CNTN3: variants seen among roughly 807,000 people sequenced by gnomAD.
The protein encoded by CNTN3 is contactin 3.
Under a neutral mutation model 119.1 loss-of-function variants are expected in CNTN3, and 60 were observed. The ratio of observed to expected loss-of-function variants is 0.50; its 90% CI spans 0.41 to 0.62. The LOEUF is 0.62. Among genes scored for constraint, CNTN3 ranks in the 20% least tolerant of loss-of-function variants. CNTN3 has a pLI of 0.00. For synonymous variants in CNTN3, 450 were observed against 438.7 expected, an observed-to-expected ratio of 1.03 and a Z score of -0.32; for missense variants, 1,101 against 1,242.4, an observed-to-expected ratio of 0.89 and a Z score of 1.71.
chr3:74,335,390 T>C (rs1703366687), intron 12 of CNTN3, among the ~76,000 whole-genome samples: 1 of 152,112 alleles, frequency 6.6e-6, no homozygotes, highest in Non-Finnish European at 1.5e-5. Flanking sequence ...AGGGGTACTA[T>C]GTTAAAATGC....
intron 1 of CNTN3, among the ~76,000 whole-genome samples, chr3:74,532,699 G>A (rs561377265): frequency 3.3e-5 from 5 of 151,962 alleles, no homozygotes; most frequent in Admixed American, 6.6e-5. Context: ...CACACTGCTC[G>A]GAATGGAATG....
intron 5 of CNTN3, among the ~76,000 whole-genome samples, chr3:74,410,926 A>C (rs1701427708): frequency 6.6e-6 from 1 of 152,146 alleles, no homozygotes; most frequent in South Asian, 2.1e-4. Flanking sequence ...TGACCCACTA[A>C]CGTATCAATA....
intron 13 of CNTN3, among the ~76,000 whole-genome samples, chr3:74,314,888 T>C (rs1387055830): frequency 6.6e-6 from 1 of 152,182 alleles, no homozygotes; most frequent in African/African-American, 2.4e-5. Context: ...ACAGCCATAG[T>C]AAAATGAGGC....
At chr3:74,392,344 T>C (rs1231427705) in intron 5 of CNTN3, among the ~76,000 whole-genome samples, 2 of 152,168 alleles carry the variant, frequency 1.3e-5, no homozygotes, top group Non-Finnish European at 2.9e-5. Context: ...TTTCTTTCTT[T>C]CTTTTTGCCA....
chr3:74,602,412 A>G (rs1704926477), intron 1 of CNTN3, among the ~76,000 whole-genome samples: 1 of 151,776 alleles, frequency 6.6e-6, no homozygotes, highest in Non-Finnish European at 1.5e-5. Context: ...GACTATTGAA[A>G]TTTGGGGAGG....
At chr3:74,455,027 T>C (rs4061034) in intron 4 of CNTN3, among the ~76,000 whole-genome samples, 2 of 151,808 alleles carry the variant, frequency 1.3e-5, no homozygotes, top group Non-Finnish European at 2.9e-5. Context: ...CGTGTTCTCT[T>C]TATTTCCTGA....
chr3:74,309,607 G>A (rs1702637940), intron 13 of CNTN3, among the ~76,000 whole-genome samples: 1 of 152,096 alleles, frequency 6.6e-6, no homozygotes, highest in African/African-American at 2.4e-5. Context: ...AAATTAAAAT[G>A]GACTAGAAAG....
intron 4 of CNTN3, among the ~76,000 whole-genome samples, chr3:74,465,257 C>T (rs1376603561): frequency 6.6e-6 from 1 of 152,052 alleles, no homozygotes; most frequent in Non-Finnish European, 1.5e-5. Context: ...TCCGGGGATA[C>T]AAAGAATACC....
chr3:74,321,134 G>A (rs1012624293), intron 13 of CNTN3, among the ~76,000 whole-genome samples: 1 of 152,088 alleles, frequency 6.6e-6, no homozygotes, highest in African/African-American at 2.4e-5. Flanking sequence ...GAATACAAGA[G>A]GGAGGAGGAC....
chr3:74,513,713 C>T (rs767233894), intron 2 of CNTN3, among the ~76,000 whole-genome samples: 2 of 151,852 alleles, frequency 1.3e-5, no homozygotes, highest in Non-Finnish European at 2.9e-5. Flanking sequence ...AGCTGAGGCC[C>T]AGGTCAGCCT....
At chr3:74,301,276 G>T in intron 16 of CNTN3, 122 bp downstream of exon 16, 2 of 1,010,208 alleles carry the variant, frequency 2.0e-6, no homozygotes, top group Non-Finnish European at 2.9e-6. Context: ...CATTAGAAAG[G>T]TTAGATAACT....
At chr3:74,593,178 A>T (rs1704734003) in intron 1 of CNTN3, among the ~76,000 whole-genome samples, 1 of 151,986 alleles carries the variant, frequency 6.6e-6, no homozygotes, top group Admixed American at 6.6e-5. Context: ...ACAAGAGTCT[A>T]TAGTGCATTG....
chr3:74,299,928 C>A lies in CNTN3; in HGVS notation c.2106G>T (p.Val702=). 1 of 1,603,636 alleles carries A rather than the reference C, an allele frequency of 6.2e-7. No individual in the cohort carries two copies. The highest frequency in any genetic ancestry group is 1.3e-5 in the African/African-American group (1 of 74,848). ...KVRTEEAVPE[V]PPSEVNGGGG... Reference sequence around the variant, plus strand: ...CTCCTCCATTGACTTCAGAAGGAGGCACTTCTGGAACTATACAGGTCAGAG... The same window carrying A: ...CTCCTCCATTGACTTCAGAAGGAGGAACTTCTGGAACTATACAGGTCAGAG... The change falls in exon 17 of 23, where the codon GTG becomes GTT. Residue 702 remains valine (V), a synonymous_variant. Coordinates refer to ENST00000263665, the MANE Select transcript of CNTN3 (RefSeq NM_020872.3).
rs771999401 is a variant in CNTN3 at position 74,524,442 on chromosome 3, G to A, written c.-80-3250C>T. Among the ~76,000 whole-genome samples the A allele has an allele frequency of 4.6e-4, 70 of 151,808 alleles. 1 individual carries two copies. The highest frequency in any genetic ancestry group is 2.8e-4 in the Non-Finnish European group (19 of 67,870). The stretch of plus-strand genomic sequence containing the variant: ...ATGAAAGGTACAGTAGAGGGTAGAC[G>A]TTTCTATGAAAGCCTAAATGAGAAC... On this transcript the variant is annotated intron_variant, in intron 1 of 22. Transcript: ENST00000263665.
rs183643867 is a variant in CNTN3 at position 74,315,579 on chromosome 3, C to T, written c.1669-12772G>A. On this transcript the variant is annotated intron_variant, in intron 13 of 22. Transcript: ENST00000263665. ...TAAAAATGTAAATGTATAAAAAATTCGTACAATGTCTCCTCTCAGACCGTA... is the reference window on the plus strand; with the variant it reads ...TAAAAATGTAAATGTATAAAAAATTTGTACAATGTCTCCTCTCAGACCGTA... 4.9e-4 allele frequency among the ~76,000 whole-genome samples: 75 copies of T among 152,106 alleles called. 3 individuals carry two copies. The South Asian group carries it at 0.012, about 25-fold the overall frequency.
At chr3:74,508,606 A>G (rs1280161926) in intron 2 of CNTN3, among the ~76,000 whole-genome samples, 1 of 152,150 alleles carries the variant, frequency 6.6e-6, no homozygotes, top group Non-Finnish European at 1.5e-5. Flanking sequence ...TGATAAAAAG[A>G]TTTCTTCAAA....
At chr3:74,546,621 G>T (rs1703919051) in intron 1 of CNTN3, among the ~76,000 whole-genome samples, 1 of 152,132 alleles carries the variant, frequency 6.6e-6, no homozygotes. Context: ...TCAGCCTGTG[G>T]ACTCTTGGAC....
At chr3:74,483,688 A>G (rs1194595692) in intron 4 of CNTN3, among the ~76,000 whole-genome samples, 4 of 152,056 alleles carry the variant, frequency 2.6e-5, no homozygotes, top group Non-Finnish European at 5.9e-5. Flanking sequence ...GGGGAACTCA[A>G]TCAAACATGC....
rs147115306 is a variant in CNTN3 at position 74,423,183 on chromosome 3, G to A, written c.454+1662C>T. Reference sequence around the variant, plus strand: ...CCAACGGATTGAGTTTTCAGGGAGCGGACCCCTAAATAGAGTTTGGAATAA... The same window carrying A: ...CCAACGGATTGAGTTTTCAGGGAGCAGACCCCTAAATAGAGTTTGGAATAA... On this transcript the variant is annotated intron_variant, in intron 5 of 22. Transcript: ENST00000263665. 2.9e-3 allele frequency among the ~76,000 whole-genome samples: 447 copies of A among 152,136 alleles called. 3 individuals carry two copies. Among genetic ancestry groups the A allele is most frequent in the East Asian group, 0.011 (55 of 5,180 alleles).
Sources: allele counts gnomAD v4.1 joint callset (sites outside exome capture counted in the v4.1 genomes callset), GRCh38; gene constraint gnomAD v4.1.1; transcripts MANE v1.5; gene names NCBI Gene and HGNC (gene_info 2026-07-23, HGNC 2026-07-21).